MAG: variants seen among roughly 807,000 people sequenced by gnomAD.
MAG encodes myelin-associated glycoprotein.
A neutral mutation model predicts 60.7 loss-of-function variants in MAG; 30 were observed. The observed-to-expected ratio is 0.49, with a 90% CI of 0.37 to 0.67. MAG has a LOEUF of 0.67. Among genes scored for constraint, MAG ranks in the 30% least tolerant of loss-of-function variants. MAG has a pLI of 0.00. For missense variants in MAG, 795 were observed against 851.7 expected (o/e 0.93, Z 0.83); for synonymous variants, 384 against 376.8 (o/e 1.02, Z -0.22).
At chr19:35,299,458 G>A in intron 4 of MAG, 96 bp from the exon 5 acceptor site, 1 of 801,352 alleles carries the variant, frequency 1.2e-6, no homozygotes, top group Non-Finnish European at 1.9e-6. Flanking sequence ...ACCATTGCCA[G>A]CAATGGAGGT....
chr19:35,298,230 CA>C (rs1397864436), intron 4 of MAG, among the ~76,000 whole-genome samples: 1 of 150,538 alleles, frequency 6.6e-6, no homozygotes, highest in African/African-American at 2.4e-5. Flanking sequence ...CCACACATCA[CA>C]ACACAAACCA....
At chr19:35,296,892 C>T (rs1471244844) in intron 4 of MAG, among the ~76,000 whole-genome samples, 1 of 151,344 alleles carries the variant, frequency 6.6e-6, no homozygotes, top group Non-Finnish European at 1.5e-5. Flanking sequence ...ACACTGCCCA[C>T]ACACCAAACA....
At chr19:35,312,173 G>T in intron 10 of MAG, 156 bp downstream of exon 10, 2 of 1,285,228 alleles carry the variant, frequency 1.6e-6, no homozygotes, top group Non-Finnish European at 2.3e-6. Context: ...CTGGAGGCTG[G>T]GGAGGAGGTG....
chr19:35,299,369 C>T (rs1173381377), intron 4 of MAG, among the ~76,000 whole-genome samples, 185 bp from the exon 5 acceptor site: 2 of 151,840 alleles, frequency 1.3e-5, no homozygotes, highest in Non-Finnish European at 2.9e-5. Context: ...GTGGAGGGCT[C>T]CGGGGTGACC....
chr19:35,308,246 A>T (rs1200485070), intron 7 of MAG, among the ~76,000 whole-genome samples: 1 of 152,148 alleles, frequency 6.6e-6, no homozygotes, highest in African/African-American at 2.4e-5. Context: ...GGAGCGAGGG[A>T]GGGCGTTCCA....
rs201222385 is a variant in MAG, at chr19:35,302,432, C to G, written c.971-16C>G. The G allele has an allele frequency of 3.4e-4, 545 of 1,612,984 alleles. No individual in the cohort carries two copies. Among genetic ancestry groups the G allele is most frequent in the Non-Finnish European group, 4.1e-4 (486 of 1,179,320 alleles). Reference sequence around the variant, plus strand: ...ACCTCCTGGGTTCTGACCATCAGTCCCGTCCTACCCCGCAGATGCACCCTG... The same window carrying G: ...ACCTCCTGGGTTCTGACCATCAGTCGCGTCCTACCCCGCAGATGCACCCTG... On this transcript the variant is annotated splice_polypyrimidine_tract_variant and intron_variant, in intron 6 of 10. Transcript: ENST00000392213.
At chr19:35,311,202 G>T (rs2066524435) in intron 9 of MAG, among the ~76,000 whole-genome samples, 2 of 151,928 alleles carry the variant, frequency 1.3e-5, no homozygotes, top group South Asian at 4.1e-4. Context: ...AGGCATGGTG[G>T]CACACACTGT....
Position 35,300,356 on chromosome 19 carries a change from G to A in MAG, c.922G>A (p.Glu308Lys), listed in dbSNP as rs759712323. The stretch of plus-strand genomic sequence containing the variant: ...AGACGGCGTCTATGCCTGCCTGGCC[G>A]AGAATGCCTATGGCCAGGACAACCG... ...AEDGVYACLAENAYGQDNRTV... is the reference protein window; with the variant it reads ...AEDGVYACLAKNAYGQDNRTV... The change falls in exon 6 of 11, where the codon GAG becomes AAG. Residue 308 changes from glutamate (E) to lysine (K), a missense_variant. Glu to Lys is a moderately conservative substitution (Grantham distance 56). Transcript: ENST00000392213. 1.0e-5 allele frequency: 16 copies of A among 1,596,914 alleles called. No individual in the cohort carries two copies. The highest frequency in any genetic ancestry group is 2.2e-5 in the South Asian group (2 of 90,894).
rs181906840 is a variant in MAG at position 35,293,767 on chromosome 19, G to C, written c.-79-468G>C. Among the ~76,000 whole-genome samples the C allele has an allele frequency of 6.6e-6, 1 of 151,988 alleles. No homozygotes were observed. On this transcript the variant is annotated intron_variant, in intron 1 of 10. Coordinates refer to ENST00000392213, the MANE Select transcript of MAG (RefSeq NM_002361.4). This position sits in a 1 kb window ranked among gnomAD's most constrained non-coding sequence, Gnocchi z 4.0. ...CCGCAGGCTAAAACACCCTCTCCCCGAGGGAACAGGACTCTTTTGTACCGG... is the reference window on the plus strand; with the variant it reads ...CCGCAGGCTAAAACACCCTCTCCCCCAGGGAACAGGACTCTTTTGTACCGG...
In MAG at chr19:35,302,515, G is replaced by T; in HGVS notation, c.1038G>T (p.Leu346Phe). 1 of 1,614,190 alleles carries T rather than the reference G, an allele frequency of 6.2e-7. No individual in the cohort carries two copies. The highest frequency in any genetic ancestry group is 2.2e-5 in the East Asian group (1 of 44,878). ...TAGAGGGGGAGACGGTCTCTATCTT[G>T]TGCTCCACACAGAGCAACCCGGACC... ...VAVEGETVSI[L>F]CSTQSNPDPI... Residue 346 changes from leucine (L) to phenylalanine (F), a missense_variant, in exon 7 of 11, where the codon TTG (leucine) becomes TTT (phenylalanine). By Grantham distance (22) the Leu-to-Phe change is conservative (BLOSUM62 0). Transcript: ENST00000392213.
intron 6 of MAG, 69 bp downstream of exon 6, chr19:35,300,473 C>A: frequency 6.7e-7 from 1 of 1,492,738 alleles, no homozygotes; most frequent in Non-Finnish European, 8.9e-7. Context: ...GGGGCCTCAT[C>A]CAGGGCGAGC....
chr19:35,307,898 TG>T (rs3214112), intron 7 of MAG, among the ~76,000 whole-genome samples: 6,968 of 151,044 alleles, frequency 0.046, 469 homozygotes, highest in African/African-American at 0.15. Flanking sequence ...GGGGAGGAAG[TG>T]GGGGGCATCT....
chr19:35,295,813 G>A lies in MAG; in HGVS notation c.247G>A (p.Glu83Lys), dbSNP rs1370735481. 6.2e-6 allele frequency: 10 copies of A among 1,613,952 alleles called. No individual in the cohort carries two copies. The highest frequency in any genetic ancestry group is 8.5e-6 in the Non-Finnish European group (10 of 1,180,018). ...CAAGTCGCGCACCCAAGTAGTCCACGAGAGCTTCCAGGGCCGCAGCCGCCT... is the reference window on the plus strand; with the variant it reads ...CAAGTCGCGCACCCAAGTAGTCCACAAGAGCTTCCAGGGCCGCAGCCGCCT... ...VFKSRTQVVHESFQGRSRLLG... is the reference protein window; with the variant it reads ...VFKSRTQVVHKSFQGRSRLLG... Residue 83 changes from glutamate (E) to lysine (K), a missense_variant, in exon 4 of 11, where the codon GAG becomes AAG. Transcript: ENST00000392213. The surrounding 1 kb of genome is among the most constrained non-coding windows in gnomAD (Gnocchi z 5.8).
chr19:35,303,386 A>G (rs761425470), intron 7 of MAG, among the ~76,000 whole-genome samples: 4 of 152,194 alleles, frequency 2.6e-5, no homozygotes, highest in African/African-American at 7.2e-5. Flanking sequence ...TCCTCATGAC[A>G]TCTTCATGAG....
chr19:35,297,132 C>G (rs555181743), intron 4 of MAG, among the ~76,000 whole-genome samples: 108 of 150,928 alleles, frequency 7.2e-4, no homozygotes, highest in African/African-American at 2.6e-3. Flanking sequence ...CCACACACCA[C>G]ACACACACCA....
chr19:35,303,327 T>C (rs1188232639), intron 7 of MAG, among the ~76,000 whole-genome samples: 1 of 152,148 alleles, frequency 6.6e-6, no homozygotes, highest in East Asian at 1.9e-4. Context: ...AGAGTGTCGC[T>C]ATGTACCAGG....
chr19:35,310,267 T>TG, intron 8 of MAG, 106 bp downstream of exon 8: 1 of 1,375,424 alleles, frequency 7.3e-7, no homozygotes, highest in South Asian at 1.4e-5. Context: ...CTATGCAGAT[T>TG]GACAGAAAGG....
In MAG at chr19:35,295,394, C is replaced by T. The variant is rs202093480; in HGVS notation, c.-15C>T. On this transcript the variant is annotated 5_prime_UTR_variant, in exon 3 of 11. Transcript: ENST00000392213. This position sits in a 1 kb window ranked among gnomAD's most constrained non-coding sequence, Gnocchi z 5.8. ...CTCCTCTCCCTTTCCAGCGATCACT[C>T]ACTCGCTGTACAGAATGATATTCCT... 4 of 1,613,452 alleles carry T rather than the reference C, an allele frequency of 2.5e-6. No homozygotes were observed. In the South Asian group the frequency reaches 3.3e-5, roughly 13 times the overall value.
rs769035046 is a variant in MAG at position 35,293,189 on chromosome 19, G to C, written c.-80+985G>C. The stretch of plus-strand genomic sequence containing the variant: ...CAGCGTCGGCCAGGTGTCCATCGGC[G>C]CGTGTCTGAGTGGACGCGTCTATAG... On this transcript the variant is annotated intron_variant, in intron 1 of 10. Transcript: ENST00000392213. This position sits in a 1 kb window ranked among gnomAD's most constrained non-coding sequence, Gnocchi z 4.0. Among the ~76,000 whole-genome samples, 1 of 152,088 alleles carries C rather than the reference G, an allele frequency of 6.6e-6. No homozygotes were observed. Among genetic ancestry groups the C allele is most frequent in the Non-Finnish European group, 1.5e-5 (1 of 68,024 alleles).
Sources: gnomAD v4.1 joint callset for allele counts (sites outside exome capture counted in the v4.1 genomes callset) on GRCh38, gnomAD v4.1.1 for gene constraint, Gnocchi (gnomAD v3.1) non-coding constraint, MANE v1.5 for transcripts, NCBI Gene and HGNC (gene_info 2026-07-23, HGNC 2026-07-21) for gene names.